Variants in PAQR3 observed in about 807,000 individuals in gnomAD.
The protein encoded by PAQR3 is progestin and adipoQ receptor family member 3, also known as Raf kinase trapping to Golgi.
In PAQR3, 39 loss-of-function variants were observed where a neutral mutation model predicts 41.7. The ratio of observed to expected loss-of-function variants is 0.93; its 90% CI spans 0.72 to 1.22. The LOEUF (loss-of-function observed/expected upper bound fraction) is 1.22, where lower values mean the gene tolerates loss of function less well. PAQR3 is among the 50% of genes most tolerant of loss of function. The probability of loss-of-function intolerance (pLI) is 0.00; values close to 1 mark genes in which losing one functional copy is unlikely to be tolerated. For synonymous variants in PAQR3, 140 were observed against 140.6 expected (o/e 1.00, Z 0.03); for missense variants, 366 against 385.6 (o/e 0.95, Z 0.42).
In PAQR3 at chr4:78,919,954, G is replaced by C. The variant is rs568836212; in HGVS notation, c.*585C>G. ...GCAGAAGTTTAAAGCTTTTGTTCTG[G>C]AAAACTAAAATATCTAATGTTCTTA... On this transcript the variant is annotated 3_prime_UTR_variant, in exon 6 of 6. Coordinates refer to ENST00000512733, the MANE Select transcript of PAQR3 (RefSeq NM_001040202.2). 309 of 985,026 alleles carry C rather than the reference G, an allele frequency of 3.1e-4. 3 individuals are homozygous for C. The highest frequency in any genetic ancestry group is 7.6e-5 in the Non-Finnish European group (63 of 829,542). The allele number at this position is 985,026 out of a possible 1,614,324, so 61.0% of individuals were successfully genotyped here. A position where few individuals can be genotyped will look rare whatever the true frequency, so the allele number is the denominator to read the frequency against.
At position 78,917,851 on chromosome 4, in the gene PAQR3, C is replaced by T. The variant is rs973825485; in HGVS notation, c.*2688G>A. ...CCAGGTGGGATGCCATAAGATGTGA[C>T]AGACATTCCCTGAATCTTCGTTCCT... On this transcript the variant is annotated 3_prime_UTR_variant, in exon 6 of 6. Coordinates refer to ENST00000512733, the MANE Select transcript of PAQR3 (RefSeq NM_001040202.2). 12 of 985,350 alleles carry T rather than the reference C, an allele frequency of 1.2e-5. No individual in the cohort carries two copies. Among genetic ancestry groups the T allele is most frequent in the Non-Finnish European group, 1.4e-5 (12 of 829,716 alleles). 61.0% of individuals were successfully genotyped at this position (985,350 alleles called of 1,614,324 possible). A position where few individuals can be genotyped will look rare whatever the true frequency, so the allele number is the denominator to read the frequency against.
At chr4:78,910,698 A>G, downstream of PAQR3, 3 of 1,612,356 alleles carry the variant, frequency 1.9e-6, no homozygotes, top group Middle Eastern at 1.7e-4. Context: ...CAAGTCCAGC[A>G]TCTAAAGATC....
chr4:78,911,631 C>T (rs1374808241), downstream of PAQR3: 3 of 1,614,026 alleles, frequency 1.9e-6, no homozygotes, highest in Non-Finnish European at 2.5e-6. Context: ...GCCGCCGAGA[C>T]TCTCAAAGTA....
Position 78,915,457 on chromosome 4 carries a change from A to G in PAQR3, c.*5082T>C, listed in dbSNP as rs910472065. On this transcript the variant is annotated 3_prime_UTR_variant, in exon 6 of 6. Coordinates refer to ENST00000512733, the MANE Select transcript of PAQR3 (RefSeq NM_001040202.2). Reference sequence around the variant, plus strand: ...TTAATATATTTAGAATGTGCAGTAAACTTTTTTCTCATTTTTTTTTCTTTT... The same window carrying G: ...TTAATATATTTAGAATGTGCAGTAAGCTTTTTTCTCATTTTTTTTTCTTTT... 9 of 151,600 alleles carry G rather than the reference A, an allele frequency of 5.9e-5. No individual in the cohort carries two copies. The highest frequency in any genetic ancestry group is 9.7e-5 in the African/African-American group (4 of 41,294). 9.4% of individuals were successfully genotyped at this position (151,600 alleles called of 1,614,324 possible).
intron 11 of PAQR3, among the ~76,000 whole-genome samples, chr4:78,897,187 G>C (rs951706527): frequency 7.0e-6 from 1 of 142,138 alleles, no homozygotes; most frequent in African/African-American, 3.1e-5. Context: ...TTAAGAAAAT[G>C]TTTTTTTGAT....
downstream of PAQR3, chr4:78,911,468 G>A (rs761579635): frequency 1.2e-6 from 2 of 1,614,030 alleles, no homozygotes; most frequent in Non-Finnish European, 1.7e-6. Flanking sequence ...AAACAGCGCA[G>A]CTTACAGAAA....
rs1305339017 is a variant in PAQR3 at position 78,935,256 on chromosome 4, T to C, written c.213A>G (p.Val71=). The part of the protein sequence containing the change: ...KSLFILSNET[V]NIWSHLLGFF... ...AACCCAGCAAATGACTCCAGATGTT[T>C]ACTGTCTCATTAGATAAAATAAACA... The change falls in exon 2 of 6, where the codon GTA becomes GTG. Residue 71 remains valine (V), a synonymous_variant. Coordinates refer to ENST00000512733, the MANE Select transcript of PAQR3 (RefSeq NM_001040202.2). 1.2e-6 allele frequency: 2 copies of C among 1,612,688 alleles called. No individual in the cohort carries two copies. The highest frequency in any genetic ancestry group is 8.5e-7 in the Non-Finnish European group (1 of 1,179,492).
intron 5 of PAQR3, chr4:78,922,691 C>T (rs1029584782): frequency 3.6e-5 from 13 of 359,372 alleles, no homozygotes; most frequent in Middle Eastern, 7.2e-4. Context: ...ATGATATGTG[C>T]ATTTTCTCAT....
chr4:78,894,632 A>G (rs552227620), intron 11 of PAQR3, among the ~76,000 whole-genome samples: 58 of 152,290 alleles, frequency 3.8e-4, no homozygotes, highest in African/African-American at 1.3e-3. Flanking sequence ...TTTTCTCCAT[A>G]TCAGCAGTAA....
At chr4:78,895,343 C>T (rs908543562) in intron 11 of PAQR3, among the ~76,000 whole-genome samples, 39 of 152,212 alleles carry the variant, frequency 2.6e-4, no homozygotes, top group Non-Finnish European at 4.7e-4. Flanking sequence ...ACAGATTTCT[C>T]TGCAAACACA....
intron 4 of PAQR3, among the ~76,000 whole-genome samples, chr4:78,924,247 C>T (rs1021720703): frequency 1.4e-4 from 22 of 152,022 alleles, no homozygotes; most frequent in African/African-American, 5.3e-4. Context: ...ATGGAGTTGG[C>T]AGGTAAATAA....
At chr4:78,929,174 C>T (rs1269621368) in intron 3 of PAQR3, among the ~76,000 whole-genome samples, 1 of 152,210 alleles carries the variant, frequency 6.6e-6, no homozygotes, top group African/African-American at 2.4e-5. Flanking sequence ...CTTAGAGCAC[C>T]TGTTACATGG....
chr4:78,926,786 G>A (rs566929790), intron 3 of PAQR3, 68 bp from the exon 4 acceptor site: 1 of 1,398,650 alleles, frequency 7.1e-7, no homozygotes, highest in Non-Finnish European at 1.0e-6. Context: ...AGTAATTTTG[G>A]CTTTTACACT....
rs1252815989 is a variant in PAQR3, at chr4:78,930,128, C to T, written c.504+42G>A. 3.2e-6 allele frequency: 5 copies of T among 1,555,446 alleles called. No individual in the cohort carries two copies. In the South Asian group the frequency reaches 4.8e-5, roughly 15 times the overall value. ...AGAACCAAGGCAAGAAAACCCAAGA[C>T]CAATATGAAAGGTCGAATGTAAAAT... On this transcript the variant is annotated intron_variant, in intron 3 of 5. Coordinates refer to ENST00000512733, the MANE Select transcript of PAQR3 (RefSeq NM_001040202.2).
chr4:78,919,941 A>C lies in PAQR3; in HGVS notation c.*598T>G. 1.0e-6 allele frequency: 1 copy of C among 985,258 alleles called. No individual in the cohort carries two copies. The highest frequency in any genetic ancestry group is 1.2e-6 in the Non-Finnish European group (1 of 829,502). 61.0% of individuals were successfully genotyped at this position (985,258 alleles called of 1,614,324 possible). On this transcript the variant is annotated 3_prime_UTR_variant, in exon 6 of 6. Coordinates refer to ENST00000512733, the MANE Select transcript of PAQR3 (RefSeq NM_001040202.2). ...CTCTCAACTTACTGCAGAAGTTTAAAGCTTTTGTTCTGGAAAACTAAAATA... is the reference window on the plus strand; with the variant it reads ...CTCTCAACTTACTGCAGAAGTTTAACGCTTTTGTTCTGGAAAACTAAAATA...
At chr4:78,930,421 A>G in intron 2 of PAQR3, 96 bp from the exon 3 acceptor site, 1 of 1,269,486 alleles carries the variant, frequency 7.9e-7, no homozygotes. Flanking sequence ...TAGGCTTTCA[A>G]TTCAAACATT....
chr4:78,919,519 A>C lies in PAQR3; in HGVS notation c.*1020T>G, dbSNP rs1735446438. 8 of 985,086 alleles carry C rather than the reference A, an allele frequency of 8.1e-6. No homozygotes were observed. The South Asian group carries it at 3.3e-4, about 40-fold the overall frequency. The allele number at this position is 985,086 out of a possible 1,614,324, so 61.0% of individuals were successfully genotyped here. On this transcript the variant is annotated 3_prime_UTR_variant, in exon 6 of 6. Transcript: ENST00000512733. ...GCAATGCTAACACATGCAGAAACCG[A>C]GGACCAGAGCACAGGTGAATAAGAT...
chr4:78,926,435 T>C, intron 4 of PAQR3, 86 bp downstream of exon 4: 1 of 1,150,228 alleles, frequency 8.7e-7, no homozygotes, highest in Non-Finnish European at 1.3e-6. Flanking sequence ...ATCTACCCAC[T>C]TGGCCTGATT....
At chr4:78,937,266 A>G (rs1428655845) in intron 1 of PAQR3, among the ~76,000 whole-genome samples, 3 of 152,192 alleles carry the variant, frequency 2.0e-5, no homozygotes, top group African/African-American at 7.2e-5. Flanking sequence ...GAAGGGTGCT[A>G]AGTAAAAATG....
Sources: gnomAD v4.1 joint callset for allele counts (sites outside exome capture counted in the v4.1 genomes callset) on GRCh38, gnomAD v4.1.1 for gene constraint, MANE v1.5 for transcripts, NCBI Gene and HGNC (gene_info 2026-07-23, HGNC 2026-07-21) for gene names.